HELB: variants seen among roughly 807,000 people sequenced by gnomAD.
HELB encodes the protein DNA 5'-3' helicase B.
Under a neutral mutation model 101.7 loss-of-function variants are expected in HELB, and 96 were observed. The ratio of observed to expected loss-of-function variants is 0.94; its 90% CI spans 0.80 to 1.12. The LOEUF (loss-of-function observed/expected upper bound fraction) is 1.12, where lower values mean the gene tolerates loss of function less well. Ranked by LOEUF, HELB falls within the 50% of genes most tolerant of loss-of-function variation. The probability of loss-of-function intolerance (pLI) is 0.00; values close to 1 mark genes in which losing one functional copy is unlikely to be tolerated. For missense variants in HELB, 1,210 were observed against 1,291.9 expected (o/e 0.94, Z 0.97); for synonymous variants, 437 against 459.7 (o/e 0.95, Z 0.63).
chr12:66,317,884 C>T (rs566603810), intron 6 of HELB, among the ~76,000 whole-genome samples: 4 of 152,312 alleles, frequency 2.6e-5, no homozygotes, highest in African/African-American at 9.6e-5. Context: ...GAAGAAGACA[C>T]AGTAGGGTAC....
chr12:66,312,782 G>A (rs2053559402), intron 4 of HELB, among the ~76,000 whole-genome samples: 1 of 152,214 alleles, frequency 6.6e-6, no homozygotes, highest in African/African-American at 2.4e-5. Context: ...AGATTTATCA[G>A]ATAAAAATAT....
At chr12:66,328,498 G>T (rs2137012186) in intron 11 of HELB, among the ~76,000 whole-genome samples, 1 of 152,266 alleles carries the variant, frequency 6.6e-6, no homozygotes, top group African/African-American at 2.4e-5. Context: ...GGGAGCTGGA[G>T]GCTGCAGTGA....
chr12:66,331,794 A>T, intron 12 of HELB, 149 bp downstream of exon 12: 1 of 775,972 alleles, frequency 1.3e-6, no homozygotes, highest in Non-Finnish European at 2.0e-6. Context: ...AATTTCCCTT[A>T]CCTCACTGTC....
At chr12:66,332,318 C>T (rs181121301) in intron 12 of HELB, among the ~76,000 whole-genome samples, 263 of 152,294 alleles carry the variant, frequency 1.7e-3, no homozygotes, top group Non-Finnish European at 3.0e-3. Flanking sequence ...TTCTTGTTCC[C>T]ATTCTCGTAA....
rs1429215486 is a variant in HELB at position 66,322,749 on chromosome 12, T to G, written c.2263T>G (p.Cys755Gly). 2 of 1,611,046 alleles carry G rather than the reference T, an allele frequency of 1.2e-6. No individual in the cohort carries two copies. The highest frequency in any genetic ancestry group is 8.5e-7 in the Non-Finnish European group (1 of 1,178,440). The change falls in exon 9 of 13, where the codon TGC becomes GGC. Residue 755 changes from cysteine to glycine, a missense_variant. Coordinates refer to ENST00000247815, the MANE Select transcript of HELB (RefSeq NM_001370285.1). ...RRQDCDLIND[C>G]CCKHYTGHLT... Reference sequence around the variant, plus strand: ...GCAAGACTGTGATCTAATTAATGACTGCTGCTGCAAACACTACACAGGCCA... The same window carrying G: ...GCAAGACTGTGATCTAATTAATGACGGCTGCTGCAAACACTACACAGGCCA...
At chr12:66,318,946 A>C (rs890920619) in intron 7 of HELB, among the ~76,000 whole-genome samples, 154 bp downstream of exon 7, 4 of 152,186 alleles carry the variant, frequency 2.6e-5, no homozygotes, top group Admixed American at 2.0e-4. Context: ...CTTAGTAATC[A>C]TCAAAAGCAG....
rs2053506587 is a variant in HELB, at chr12:66,308,694, T to C, written c.778-1012T>C. ...TCACATGGCCTTCCTTCTTTGCCAG[T>C]CTATGTCCTAATCTCTTCTTCTTAT... On this transcript the variant is annotated intron_variant, in intron 3 of 12. Coordinates refer to ENST00000247815, the MANE Select transcript of HELB (RefSeq NM_001370285.1). Among the ~76,000 whole-genome samples, 3 of 152,216 alleles carry C rather than the reference T, an allele frequency of 2.0e-5. 1 individual carries two copies. In the South Asian group the frequency reaches 6.2e-4, roughly 31 times the overall value.
chr12:66,307,041 T>C (rs2053484855), intron 3 of HELB, among the ~76,000 whole-genome samples: 1 of 152,200 alleles, frequency 6.6e-6, no homozygotes, highest in Non-Finnish European at 1.5e-5. Context: ...TTAGAGACTA[T>C]GAGTAGTAAA....
chr12:66,308,043 T>TAAA (rs10686380), intron 3 of HELB, among the ~76,000 whole-genome samples: 1,100 of 107,954 alleles, frequency 0.01, 20 homozygotes, highest in East Asian at 0.064. Flanking sequence ...CTACCTCCTC[T>TAAA]AAAAAAAAAA....
At chr12:66,329,682 G>A (rs1253653440) in intron 11 of HELB, among the ~76,000 whole-genome samples, 1 of 152,088 alleles carries the variant, frequency 6.6e-6, no homozygotes, top group Non-Finnish European at 1.5e-5. Context: ...GCTGCCATGA[G>A]GATGATGGAT....
chr12:66,304,937 A>T lies in HELB; in HGVS notation c.394A>T (p.Lys132Ter). The T allele has an allele frequency of 6.2e-7, 1 of 1,614,148 alleles. No homozygotes were observed. The highest frequency in any genetic ancestry group is 8.5e-7 in the Non-Finnish European group (1 of 1,179,994). The change falls in exon 2 of 13, where the codon AAA becomes TAA. Residue 132 changes from lysine (K) to a stop codon, truncating the protein, a stop_gained. Transcript: ENST00000247815. LOFTEE classifies it high-confidence loss of function. The stretch of plus-strand genomic sequence containing the variant: ...AAAACATATCTGTGCTCTCTTTCTT[A>T]AAGAGTGTGAGGTCTCCAGTGATGA... The part of the protein sequence containing the change: ...NQKHICALFL[K>*]ECEVSSDDVN...
intron 11 of HELB, among the ~76,000 whole-genome samples, chr12:66,326,182 T>A (rs1223180757): frequency 6.6e-6 from 1 of 152,164 alleles, no homozygotes; most frequent in Admixed American, 6.5e-5. Context: ...CTCTTATTTA[T>A]CTCTTTGTTT....
intron 11 of HELB, among the ~76,000 whole-genome samples, chr12:66,330,578 G>GATATATATATATATAGTTAT (rs1056534277): frequency 2.0e-5 from 3 of 147,296 alleles, no homozygotes; most frequent in African/African-American, 7.4e-5. Context: ...TATATATATA[G>GATATATATATATATAGTTAT]ATATATATAT....
intron 10 of HELB, 157 bp from the exon 11 acceptor site, chr12:66,324,825 GT>G (rs2137008241): frequency 1.3e-6 from 1 of 774,586 alleles, no homozygotes; most frequent in Non-Finnish European, 2.1e-6. Flanking sequence ...TAGATATATT[GT>G]TTGTGCTGAA....
chr12:66,327,066 A>AATATATATACATATATATATATATATAT (rs2053749868), intron 11 of HELB, among the ~76,000 whole-genome samples: 1 of 46,810 alleles, frequency 2.1e-5, no homozygotes, highest in Admixed American at 3.9e-4. Flanking sequence ...AAAAAAAAAA[A>AATATATATACATATATATATATATATAT]ATATATATAT....
chr12:66,310,398 G>A lies in HELB; in HGVS notation c.1470G>A (p.Lys490=). ...CCACAATCGTTAGCCGTCTTTTTAA[G>A]CATATAGAGCAGTTGGAAGAAAGAG... ...GKTTIVSRLF[K]HIEQLEEREV... Residue 490 remains lysine, a synonymous_variant, in exon 4 of 13, where the codon AAG becomes AAA. Coordinates refer to ENST00000247815, the MANE Select transcript of HELB (RefSeq NM_001370285.1). 1 of 1,614,180 alleles carries A rather than the reference G, an allele frequency of 6.2e-7. No individual in the cohort carries two copies. The highest frequency in any genetic ancestry group is 8.5e-7 in the Non-Finnish European group (1 of 1,180,030).
intron 6 of HELB, among the ~76,000 whole-genome samples, chr12:66,316,882 G>T (rs986978117): frequency 6.6e-5 from 10 of 152,040 alleles, no homozygotes; most frequent in African/African-American, 9.7e-5. Context: ...AGCCGGGCTT[G>T]GTGGCGGGCG....
chr12:66,323,925 A>G, intron 9 of HELB, 58 bp from the exon 10 acceptor site: 3 of 1,136,312 alleles, frequency 2.6e-6, no homozygotes, highest in Non-Finnish European at 4.0e-6. Context: ...TTAATGTTTG[A>G]ACAAGTGAAA....
intron 2 of HELB, among the ~76,000 whole-genome samples, chr12:66,305,442 A>G (rs941655428): frequency 6.6e-6 from 1 of 152,032 alleles, no homozygotes; most frequent in African/African-American, 2.4e-5. Context: ...ATCATTAATA[A>G]AAAAAAATTC....
Sources: allele counts gnomAD v4.1 joint callset (sites outside exome capture counted in the v4.1 genomes callset), GRCh38; gene constraint gnomAD v4.1.1; transcripts MANE v1.5; gene names NCBI Gene and HGNC (gene_info 2026-07-23, HGNC 2026-07-21).